The following NAV3 variants were observed in gnomAD, a reference collection of about 807,000 sequenced individuals.
The protein encoded by NAV3 is pore membrane and/or filament interacting like protein 1.
A neutral mutation model predicts 244.7 loss-of-function variants in NAV3; 87 were observed. The observed-to-expected ratio is 0.36, with a 90% CI of 0.30 to 0.42. NAV3 has a LOEUF of 0.42. Among genes scored for constraint, NAV3 ranks in the 20% least tolerant of loss-of-function variants. NAV3 has a pLI of 1.00. For synonymous variants in NAV3, 1,126 were observed against 1,042.2 expected, an observed-to-expected ratio of 1.08 and a Z score of -1.55; for missense variants, 2,663 against 2,893.3, an observed-to-expected ratio of 0.92 and a Z score of 1.83.
intron 23 of NAV3, among the ~76,000 whole-genome samples, chr12:78,159,844 T>A (rs1957452247): frequency 6.6e-6 from 1 of 152,120 alleles, no homozygotes; most frequent in Non-Finnish European, 1.5e-5. Context: ...AGTAAAAGAA[T>A]ACTGAATGTT....
At chr12:78,040,677 G>A (rs1025274172) in intron 9 of NAV3, among the ~76,000 whole-genome samples, 8 of 152,014 alleles carry the variant, frequency 5.3e-5, no homozygotes, top group African/African-American at 1.4e-4. Context: ...GTAATGATGC[G>A]TTCTAGGAAT....
At chr12:78,177,056 G>C in intron 26 of NAV3, 85 bp from the exon 27 acceptor site, 1 of 1,399,114 alleles carries the variant, frequency 7.1e-7, no homozygotes, top group Non-Finnish European at 1.0e-6. Flanking sequence ...GCAGTGGCTA[G>C]GATGGCATCT....
intron 1 of NAV3, among the ~76,000 whole-genome samples, chr12:77,880,800 A>G (rs1198764962): frequency 6.6e-6 from 1 of 152,160 alleles, no homozygotes; most frequent in Non-Finnish European, 1.5e-5. Flanking sequence ...ACGATAGCAC[A>G]TGTCACAGAG....
At chr12:78,144,660 C>T (rs369284) in intron 20 of NAV3, among the ~76,000 whole-genome samples, 52,645 of 151,392 alleles carry the variant, frequency 0.35, 9,397 homozygotes, top group East Asian at 0.48. Flanking sequence ...TGTAACAGGA[C>T]TATTATAGAT....
At chr12:78,082,838 C>G (rs1254915754) in intron 12 of NAV3, among the ~76,000 whole-genome samples, 2 of 152,074 alleles carry the variant, frequency 1.3e-5, no homozygotes, top group African/African-American at 2.4e-5. Context: ...GAAACATGCC[C>G]TTCCCTTTGT....
intron 2 of NAV3, among the ~76,000 whole-genome samples, chr12:77,815,624 A>G (rs1166219349): frequency 6.6e-6 from 1 of 152,166 alleles, no homozygotes; most frequent in African/African-American, 2.4e-5. Context: ...AAATTACATC[A>G]TAGTCCATAT....
At chr12:78,127,265 G>A (rs2138813475) in intron 17 of NAV3, 57 bp downstream of exon 17, 1 of 1,508,630 alleles carries the variant, frequency 6.6e-7, no homozygotes, top group Non-Finnish European at 9.2e-7. Flanking sequence ...AACTTTGTGT[G>A]CTGTCTCTCT....
chr12:77,600,187 A>G (rs1290967858), intron 2 of NAV3, among the ~76,000 whole-genome samples: 2 of 151,968 alleles, frequency 1.3e-5, no homozygotes, highest in South Asian at 4.1e-4. Context: ...CAGAGTTTTG[A>G]TGTTTATGCT....
intron 2 of NAV3, among the ~76,000 whole-genome samples, chr12:77,756,612 G>T (rs1869193107): frequency 6.6e-6 from 1 of 152,072 alleles, no homozygotes; most frequent in South Asian, 2.1e-4. Flanking sequence ...ATGGCTAAAG[G>T]TTATAGAAAG....
In NAV3 at chr12:78,148,865, G is replaced by A. The variant is rs773461588; in HGVS notation, c.4731G>A (p.Glu1577=). The stretch of plus-strand genomic sequence containing the variant: ...AGCAAATCCATAAACTGCGGAGAGA[G>A]CTGGTTGCATCACAAGAAAAAGTTG... The part of the protein sequence containing the change: ...HSEQIHKLRR[E]LVASQEKVAT... Residue 1577 remains glutamate, a synonymous_variant, in exon 22 of 40, where the codon GAG becomes GAA. Coordinates refer to ENST00000397909, the MANE Select transcript of NAV3 (RefSeq NM_001024383.2). 17 of 1,612,616 alleles carry A rather than the reference G, an allele frequency of 1.1e-5. No individual in the cohort carries two copies. Among genetic ancestry groups the A allele is most frequent in the South Asian group, 2.2e-5 (2 of 91,032 alleles).
intron 9 of NAV3, among the ~76,000 whole-genome samples, chr12:78,045,179 G>A (rs1001597100): frequency 1.3e-5 from 2 of 152,158 alleles, no homozygotes; most frequent in Non-Finnish European, 2.9e-5. Context: ...TGCATCTATT[G>A]AGATAATCAT....
At chr12:77,835,110 T>G (rs1874397713) in intron 1 of NAV3, among the ~76,000 whole-genome samples, 1 of 152,180 alleles carries the variant, frequency 6.6e-6, no homozygotes, top group African/African-American at 2.4e-5. Context: ...CTATTTTGGT[T>G]GCCATCATCG....
chr12:78,001,419 T>A, intron 7 of NAV3, among the ~76,000 whole-genome samples: 1 of 152,210 alleles, frequency 6.6e-6, no homozygotes, highest in East Asian at 1.9e-4. Context: ...GTTACATAAA[T>A]CAGTTCAGGA....
At chr12:78,151,063 TA>T (rs36090494) in intron 22 of NAV3, among the ~76,000 whole-genome samples, 7 of 150,920 alleles carry the variant, frequency 4.6e-5, no homozygotes, top group South Asian at 2.1e-4. Flanking sequence ...AACAATCATT[TA>T]AAAAAAAATA....
chr12:77,945,352 G>T lies in NAV3; in HGVS notation c.414+4219G>T, dbSNP rs113138389. Reference sequence around the variant, plus strand: ...AGGGATACATTTGTTTCTGTATCATGTCATAAAAGGTTATGATGGGGTGAA... The same window carrying T: ...AGGGATACATTTGTTTCTGTATCATTTCATAAAAGGTTATGATGGGGTGAA... On this transcript the variant is annotated intron_variant, in intron 3 of 39. Coordinates refer to ENST00000397909, the MANE Select transcript of NAV3 (RefSeq NM_001024383.2). Among the ~76,000 whole-genome samples the T allele has an allele frequency of 2.4e-3, 372 of 152,244 alleles. 4 individuals carry two copies. Among genetic ancestry groups the T allele is most frequent in the African/African-American group, 7.5e-3 (313 of 41,554 alleles).
At chr12:77,934,180 C>T (rs1053841807) in intron 1 of NAV3, among the ~76,000 whole-genome samples, 1 of 152,050 alleles carries the variant, frequency 6.6e-6, no homozygotes, top group Non-Finnish European at 1.5e-5. Flanking sequence ...AGGGGTGACA[C>T]AGCTTGTTCA....
chr12:77,979,859 A>T (rs931937204), intron 5 of NAV3, among the ~76,000 whole-genome samples: 1 of 152,092 alleles, frequency 6.6e-6, no homozygotes, highest in East Asian at 1.9e-4. Context: ...GCTGTGTGCT[A>T]CACAGAAAGC....
At chr12:77,636,790 A>G (rs929176358) in intron 2 of NAV3, among the ~76,000 whole-genome samples, 1 of 152,162 alleles carries the variant, frequency 6.6e-6, no homozygotes, top group Admixed American at 6.5e-5. Context: ...TGGCACATAT[A>G]CATAGAGTAC....
intron 12 of NAV3, among the ~76,000 whole-genome samples, chr12:78,105,131 GTCTT>G (rs1197422265): frequency 6.6e-6 from 1 of 152,040 alleles, no homozygotes; most frequent in Non-Finnish European, 1.5e-5. Flanking sequence ...GGATAAATGT[GTCTT>G]TCTTATACCA....
Sources: gnomAD v4.1 joint callset for allele counts (sites outside exome capture counted in the v4.1 genomes callset) on GRCh38, gnomAD v4.1.1 for gene constraint, MANE v1.5 for transcripts, NCBI Gene and HGNC (gene_info 2026-07-23, HGNC 2026-07-21) for gene names.